CDK17: variants seen among roughly 807,000 people sequenced by gnomAD.
CDK17 encodes the protein cyclin dependent kinase 17, also known as cyclin-dependent kinase 17.
A neutral mutation model predicts 77.6 loss-of-function variants in CDK17; 24 were observed. The ratio of observed to expected loss-of-function variants is 0.31; its 90% confidence interval spans 0.22 to 0.44. CDK17 has a LOEUF of 0.44. CDK17 is among the 20% of genes least tolerant of loss of function. The pLI is 1.00. For missense variants in CDK17, 429 were observed against 622.5 expected (o/e 0.69, Z 3.31); for synonymous variants, 203 against 210.4 (o/e 0.96, Z 0.30).
chr12:96,350,841 A>C (rs1435869075), intron 1 of CDK17, among the ~76,000 whole-genome samples: 2 of 152,186 alleles, frequency 1.3e-5, no homozygotes, highest in Non-Finnish European at 2.9e-5. Flanking sequence ...AGGCAACAAC[A>C]AAAAAGACCC....
intron 1 of CDK17, chr12:96,399,429 GCTC>G (rs894260563): frequency 9.8e-5 from 15 of 152,500 alleles, no homozygotes; most frequent in South Asian, 2.1e-4. Context: ...CCACGCGCGG[GCTC>G]CTCCTCCTCC....
At chr12:96,369,616 A>G (rs1315169151) in intron 1 of CDK17, among the ~76,000 whole-genome samples, 1 of 152,150 alleles carries the variant, frequency 6.6e-6, no homozygotes, top group Admixed American at 6.5e-5. Context: ...GGTCTCTACT[A>G]AAAACACAAA....
At chr12:96,289,393 T>C (rs1592706329) in intron 10 of CDK17, 106 bp from the exon 11 acceptor site, 4 of 1,269,102 alleles carry the variant, frequency 3.2e-6, no homozygotes, top group Non-Finnish European at 4.5e-6. Context: ...AATGGTTAAT[T>C]CGTAGCTTCT....
chr12:96,385,844 G>A (rs930850925), intron 1 of CDK17, among the ~76,000 whole-genome samples: 10 of 151,862 alleles, frequency 6.6e-5, no homozygotes, highest in Admixed American at 6.6e-5. Flanking sequence ...TAAGAAACAA[G>A]CTAAAAGAGT....
At chr12:96,395,570 G>A (rs1954155385) in intron 1 of CDK17, among the ~76,000 whole-genome samples, 1 of 152,220 alleles carries the variant, frequency 6.6e-6, no homozygotes, top group Non-Finnish European at 1.5e-5. Flanking sequence ...ATAGTGCCTA[G>A]TAGAGGAGGT....
At chr12:96,377,929 G>T (rs970724396) in intron 1 of CDK17, among the ~76,000 whole-genome samples, 2 of 152,106 alleles carry the variant, frequency 1.3e-5, no homozygotes, top group Non-Finnish European at 2.9e-5. Context: ...TCCTGACCTC[G>T]TGATCCGCCC....
At chr12:96,316,934 G>T (rs1952737566) in intron 3 of CDK17, among the ~76,000 whole-genome samples, 1 of 150,776 alleles carries the variant, frequency 6.6e-6, no homozygotes, top group South Asian at 2.1e-4. Flanking sequence ...TTCCTCACCA[G>T]CAACGGAACA....
At chr12:96,395,362 T>C (rs1954151827) in intron 1 of CDK17, among the ~76,000 whole-genome samples, 1 of 152,212 alleles carries the variant, frequency 6.6e-6, no homozygotes, top group African/African-American at 2.4e-5. Flanking sequence ...ACAGTAACAT[T>C]GACTTTTTAA....
intron 1 of CDK17, among the ~76,000 whole-genome samples, chr12:96,384,856 C>CA (rs2137234075): frequency 6.6e-6 from 1 of 151,568 alleles, no homozygotes; most frequent in East Asian, 1.9e-4. Flanking sequence ...TACAAAAAAT[C>CA]AAAGTTAGCC....
intron 1 of CDK17, among the ~76,000 whole-genome samples, chr12:96,356,901 A>G (rs1953402066): frequency 6.6e-6 from 1 of 152,214 alleles, no homozygotes; most frequent in Non-Finnish European, 1.5e-5. Flanking sequence ...ATAAAATCTG[A>G]TTTAAATGTC....
At chr12:96,397,468 A>G (rs756588188) in intron 1 of CDK17, among the ~76,000 whole-genome samples, 2 of 152,164 alleles carry the variant, frequency 1.3e-5, no homozygotes, top group Non-Finnish European at 2.9e-5. Flanking sequence ...TCAAATACCT[A>G]ACACTGAAAG....
intron 6 of CDK17, among the ~76,000 whole-genome samples, chr12:96,299,578 A>G (rs1952467259): frequency 6.6e-6 from 1 of 151,980 alleles, no homozygotes; most frequent in South Asian, 2.1e-4. Flanking sequence ...TTCAGTACAG[A>G]CGGGGTTTCA....
intron 4 of CDK17, 101 bp from the exon 5 acceptor site, chr12:96,311,278 A>G (rs1048783128): frequency 1.6e-5 from 17 of 1,037,120 alleles, no homozygotes; most frequent in Admixed American, 3.2e-5. Flanking sequence ...AAGTAATTGT[A>G]AAGTTTTATT....
At chr12:96,374,739 T>G (rs1408904486) in intron 1 of CDK17, among the ~76,000 whole-genome samples, 3 of 152,192 alleles carry the variant, frequency 2.0e-5, no homozygotes, top group Non-Finnish European at 4.4e-5. Flanking sequence ...TCAGATGGGC[T>G]GAATACCAGT....
intron 9 of CDK17, among the ~76,000 whole-genome samples, chr12:96,296,985 T>A (rs1175037805): frequency 6.6e-6 from 1 of 152,126 alleles, no homozygotes; most frequent in African/African-American, 2.4e-5. Flanking sequence ...ATTTTTTTTT[T>A]AAAGCAGAAT....
chr12:96,312,366 G>A (rs1187167945), intron 4 of CDK17, among the ~76,000 whole-genome samples: 2 of 152,000 alleles, frequency 1.3e-5, no homozygotes, highest in Non-Finnish European at 2.9e-5. Flanking sequence ...GCTCAACGAA[G>A]AATGAGAAAC....
chr12:96,371,210 T>G (rs1953687273), intron 1 of CDK17, among the ~76,000 whole-genome samples: 1 of 151,998 alleles, frequency 6.6e-6, no homozygotes, highest in South Asian at 2.1e-4. Flanking sequence ...CATTATACTT[T>G]ATCCTCTAAT....
chr12:96,315,515 T>C (rs1431372905), intron 3 of CDK17, among the ~76,000 whole-genome samples: 1 of 152,202 alleles, frequency 6.6e-6, no homozygotes, highest in East Asian at 1.9e-4. Flanking sequence ...CCTCTTAAAA[T>C]TTGGTATATA....
At chr12:96,334,479 T>G (rs994489008) in intron 2 of CDK17, among the ~76,000 whole-genome samples, 1 of 152,178 alleles carries the variant, frequency 6.6e-6, no homozygotes, top group Non-Finnish European at 1.5e-5. Flanking sequence ...TGGAAGGATA[T>G]GTGGAATAGA....
Sources: gnomAD v4.1 joint callset for allele counts (sites outside exome capture counted in the v4.1 genomes callset) on GRCh38, gnomAD v4.1.1 for gene constraint, MANE v1.5 for transcripts, NCBI Gene and HGNC (gene_info 2026-07-23, HGNC 2026-07-21) for gene names.